MED12L: variants seen among roughly 807,000 people sequenced by gnomAD.
MED12L encodes the protein mediator of RNA polymerase II transcription subunit 12-like protein.
In MED12L, 60 loss-of-function variants were observed where a neutral mutation model predicts 281.3. The observed-to-expected ratio is 0.21, with a 90% CI of 0.17 to 0.26. MED12L has a LOEUF of 0.26. Ranked by LOEUF, MED12L falls within the 10% of genes least tolerant of loss-of-function variation. The pLI is 1.00. For missense variants in MED12L, 2,146 were observed against 2,680.9 expected (o/e 0.80, Z 4.41); for synonymous variants, 974 against 987.2 (o/e 0.99, Z 0.25).
At chr3:151,414,673 AT>A (rs1432146830) in intron 42 of MED12L, among the ~76,000 whole-genome samples, 1 of 150,676 alleles carries the variant, frequency 6.6e-6, no homozygotes, top group Non-Finnish European at 1.5e-5. Context: ...GTAAGATGTC[AT>A]TAGTTCCATC....
Position 151,394,848 on chromosome 3 carries a change from A to G in MED12L, c.5801A>G (p.Gln1934Arg), listed in dbSNP as rs1714748827. 2.5e-6 allele frequency: 4 copies of G among 1,614,000 alleles called. No individual in the cohort carries two copies. The highest frequency in any genetic ancestry group is 2.7e-5 in the African/African-American group (2 of 74,950). ...QQQQRLLRQA[Q>R]TRPFQQGQPG... ...CAACAGCGACTTCTCAGGCAAGCCC[A>G]GACTCGGCCTTTCCAACAGGTTTGT... Residue 1934 changes from glutamine (Q) to arginine (R), a missense_variant, in exon 39 of 45, where the codon CAG (glutamine) becomes CGG (arginine). This residue lies in a region of MED12L where 496 missense variants were observed against 512.0 expected (regional missense o/e 0.97). Coordinates refer to ENST00000687756, the MANE Select transcript of MED12L (RefSeq NM_001393769.1).
intron 23 of MED12L, 46 bp downstream of exon 23, chr3:151,366,037 T>C: frequency 7.0e-7 from 1 of 1,418,884 alleles, no homozygotes; most frequent in South Asian, 1.7e-5. Context: ...CAATTAAATA[T>C]TTAGTTAGTG....
intron 31 of MED12L, among the ~76,000 whole-genome samples, chr3:151,379,572 A>G (rs1054931049): frequency 1.3e-5 from 2 of 152,160 alleles, no homozygotes; most frequent in Admixed American, 6.5e-5. Context: ...CAGCAAGTAC[A>G]CTGTTTTTGG....
chr3:151,372,509 A>G, intron 26 of MED12L, 58 bp from the exon 27 acceptor site: 1 of 1,291,272 alleles, frequency 7.7e-7, no homozygotes, highest in Non-Finnish European at 1.1e-6. Context: ...TTTGCTCCTC[A>G]ATTATTTGGC....
chr3:151,264,724 C>A (rs1036738462), intron 16 of MED12L, among the ~76,000 whole-genome samples: 1 of 152,168 alleles, frequency 6.6e-6, no homozygotes, highest in Non-Finnish European at 1.5e-5. Context: ...TCTAAAAACA[C>A]AAATTAAGTC....
intron 16 of MED12L, among the ~76,000 whole-genome samples, chr3:151,330,078 A>AT (rs1205240694): frequency 1.3e-5 from 2 of 152,202 alleles, no homozygotes; most frequent in African/African-American, 4.8e-5. Flanking sequence ...AGTTCCACCA[A>AT]TTAATTGGGA....
At chr3:151,225,521 C>G (rs1015446239) in intron 16 of MED12L, among the ~76,000 whole-genome samples, 1 of 152,122 alleles carries the variant, frequency 6.6e-6, no homozygotes, top group African/African-American at 2.4e-5. Context: ...CTATCATGAT[C>G]TAATCATCTC....
intron 43 of MED12L, among the ~76,000 whole-genome samples, chr3:151,426,820 C>CT (rs34363787): frequency 5.5e-4 from 78 of 142,590 alleles, no homozygotes; most frequent in African/African-American, 1.6e-3. Flanking sequence ...CATGGTTTTA[C>CT]TTTTTTTTTT....
intron 39 of MED12L, among the ~76,000 whole-genome samples, chr3:151,402,444 TCTTA>T (rs1715805700): frequency 6.6e-6 from 1 of 152,206 alleles, no homozygotes; most frequent in Non-Finnish European, 1.5e-5. Flanking sequence ...GATGATCTCT[TCTTA>T]CTTGGATTTA....
chr3:151,141,341 G>T (rs891300354), intron 5 of MED12L, among the ~76,000 whole-genome samples: 2 of 151,992 alleles, frequency 1.3e-5, no homozygotes, highest in African/African-American at 4.8e-5. Flanking sequence ...ATTTCTTAGA[G>T]AAATGCATTG....
At chr3:151,138,454 A>G (rs1370144839) in intron 5 of MED12L, among the ~76,000 whole-genome samples, 2 of 152,238 alleles carry the variant, frequency 1.3e-5, no homozygotes, top group East Asian at 3.8e-4. Context: ...AATATTGATT[A>G]TTATAAAAGT....
intron 2 of MED12L, among the ~76,000 whole-genome samples, chr3:151,102,682 A>T (rs2148666299): frequency 6.6e-6 from 1 of 152,264 alleles, no homozygotes; most frequent in East Asian, 1.9e-4. Context: ...TATGTTGCCC[A>T]GGCTGGTCTT....
chr3:151,413,241 G>A lies in MED12L; in HGVS notation c.6243G>A (p.Gln2081=). The A allele has an allele frequency of 6.2e-7, 1 of 1,614,192 alleles. No individual in the cohort carries two copies. The highest frequency in any genetic ancestry group is 8.5e-7 in the Non-Finnish European group (1 of 1,180,048). ...HPNLPSVPLP[Q]DPMRPRQPQV... is the part of the protein sequence containing the mutation. ...ACCTTCCCTCCGTGCCCCTGCCTCA[G>A]GATCCCATGAGACCCAGACAGCCGC... The change falls in exon 42 of 45, where the codon CAG becomes CAA. Residue 2081 remains glutamine (Q), a synonymous_variant. Transcript: ENST00000687756.
chr3:151,252,697 C>A (rs1004325901), intron 16 of MED12L, among the ~76,000 whole-genome samples: 1 of 152,066 alleles, frequency 6.6e-6, no homozygotes, highest in Non-Finnish European at 1.5e-5. Flanking sequence ...GCTTATGATG[C>A]ATGCAAATAG....
chr3:151,331,714 A>G (rs2149885135), intron 16 of MED12L, among the ~76,000 whole-genome samples: 2 of 152,360 alleles, frequency 1.3e-5, no homozygotes, highest in South Asian at 4.1e-4. Flanking sequence ...TAGGGCTCTA[A>G]GGAAATGTAG....
chr3:151,150,585 CT>C (rs1560096335), intron 5 of MED12L, among the ~76,000 whole-genome samples: 1 of 152,210 alleles, frequency 6.6e-6, no homozygotes, highest in Non-Finnish European at 1.5e-5. Flanking sequence ...GTCAGCCTGT[CT>C]TTTAAGGACA....
At chr3:151,330,729 A>C (rs1750251889) in intron 16 of MED12L, among the ~76,000 whole-genome samples, 1 of 152,198 alleles carries the variant, frequency 6.6e-6, no homozygotes, top group South Asian at 2.1e-4. Flanking sequence ...TACAGTGTCT[A>C]ATAGTTTTGA....
intron 16 of MED12L, among the ~76,000 whole-genome samples, chr3:151,325,212 G>A (rs1044306715): frequency 6.6e-6 from 1 of 152,122 alleles, no homozygotes; most frequent in Admixed American, 6.6e-5. Context: ...CTCCTTCTCT[G>A]CCTCATCCTT....
intron 5 of MED12L, among the ~76,000 whole-genome samples, chr3:151,131,479 C>T (rs1202168871): frequency 6.6e-6 from 1 of 151,972 alleles, no homozygotes; most frequent in Non-Finnish European, 1.5e-5. Context: ...TGGTGGTGCA[C>T]ACCTGTATTC....
Sources: allele counts gnomAD v4.1 joint callset (sites outside exome capture counted in the v4.1 genomes callset), GRCh38; gene constraint gnomAD v4.1.1; regional missense constraint gnomAD v4.1.1; transcripts MANE v1.5; gene names NCBI Gene and HGNC (gene_info 2026-07-23, HGNC 2026-07-21).